Variants in GRID2 observed in about 807,000 individuals in gnomAD.
GRID2 encodes the protein glutamate ionotropic receptor delta type subunit 2, also known as glutamate receptor ionotropic, delta-2.
Under a neutral mutation model 114.8 loss-of-function variants are expected in GRID2, and 33 were observed. That is an observed-to-expected ratio of 0.29 (90% CI 0.22 to 0.38). GRID2 has a LOEUF of 0.38. Among genes scored for constraint, GRID2 ranks in the 10% least tolerant of loss-of-function variants. The probability of loss-of-function intolerance (pLI) is 1.00; values close to 1 mark genes in which losing one functional copy is unlikely to be tolerated. For missense variants in GRID2, 1,184 were observed against 1,257.7 expected, an observed-to-expected ratio of 0.94 and a Z score of 0.89; for synonymous variants, 505 against 449.9, an observed-to-expected ratio of 1.12 and a Z score of -1.55.
chr4:92,561,058 T>C (rs1727083061), intron 1 of GRID2, among the ~76,000 whole-genome samples: 1 of 152,148 alleles, frequency 6.6e-6, no homozygotes, highest in South Asian at 2.1e-4. Flanking sequence ...TCCTTTGATA[T>C]CTTCCTGAAT....
At chr4:93,402,371 A>G (rs1000866510) in intron 9 of GRID2, among the ~76,000 whole-genome samples, 5 of 152,170 alleles carry the variant, frequency 3.3e-5, no homozygotes, top group African/African-American at 4.8e-5. Flanking sequence ...GGTTACTACT[A>G]TATTAACTGG....
intron 2 of GRID2, among the ~76,000 whole-genome samples, chr4:92,614,350 A>T (rs1028337609): frequency 7.3e-5 from 11 of 151,594 alleles, no homozygotes; most frequent in African/African-American, 2.4e-4. Flanking sequence ...CTTTTCCAAT[A>T]AAGTCGTTTA....
At chr4:92,719,215 G>A (rs1245663440) in intron 2 of GRID2, among the ~76,000 whole-genome samples, 1 of 152,054 alleles carries the variant, frequency 6.6e-6, no homozygotes, top group African/African-American at 2.4e-5. Context: ...TCGAACTCCT[G>A]AACTGAGATG....
intron 1 of GRID2, among the ~76,000 whole-genome samples, chr4:92,432,876 A>C (rs1263988684): frequency 1.3e-5 from 2 of 152,100 alleles, no homozygotes; most frequent in African/African-American, 4.8e-5. Context: ...CCAGCAGGGT[A>C]CTAGGTCTCC....
chr4:92,441,909 G>A (rs1389317134), intron 1 of GRID2, among the ~76,000 whole-genome samples: 2 of 151,988 alleles, frequency 1.3e-5, no homozygotes, highest in South Asian at 2.1e-4. Context: ...AGTCAGGGAA[G>A]CAGATAATTT....
chr4:93,068,659 A>ATAAT (rs2149302202), intron 2 of GRID2, among the ~76,000 whole-genome samples: 1 of 151,118 alleles, frequency 6.6e-6, no homozygotes, highest in East Asian at 2.0e-4. Flanking sequence ...CACAAGAAAC[A>ATAAT]TAATTTCCTA....
At position 92,989,625 on chromosome 4, in the gene GRID2, T is replaced by C. The variant is rs570826703; in HGVS notation, c.245-95370T>C. 1.1e-4 allele frequency among the ~76,000 whole-genome samples: 17 copies of C among 152,344 alleles called. No homozygotes were observed. The South Asian group carries it at 2.1e-3, about 19-fold the overall frequency. On this transcript the variant is annotated intron_variant, in intron 2 of 15. Coordinates refer to ENST00000282020, the MANE Select transcript of GRID2 (RefSeq NM_001510.4). ...TCAACACAGCTGCTCTGGTCTGAAA[T>C]TTTTAATGTCATGACAGAGCTAATT...
At chr4:93,185,602 C>T (rs1401059605) in intron 4 of GRID2, among the ~76,000 whole-genome samples, 2 of 152,004 alleles carry the variant, frequency 1.3e-5, no homozygotes, top group Non-Finnish European at 2.9e-5. Flanking sequence ...AAAAAATGGA[C>T]TTTAAAACTG....
intron 14 of GRID2, among the ~76,000 whole-genome samples, chr4:93,682,792 G>C (rs1473549278): frequency 7.3e-6 from 1 of 137,058 alleles, no homozygotes; most frequent in Non-Finnish European, 1.6e-5. Context: ...GGGGTTGGGG[G>C]AGGGGGGAGG....
intron 1 of GRID2, among the ~76,000 whole-genome samples, chr4:92,542,586 A>G (rs937622814): frequency 4.6e-5 from 7 of 151,980 alleles, no homozygotes; most frequent in Non-Finnish European, 1.0e-4. Flanking sequence ...AGCTATGAAG[A>G]TGCAGAGCAT....
chr4:93,267,002 A>G (rs1447999714), intron 8 of GRID2, among the ~76,000 whole-genome samples: 1 of 133,312 alleles, frequency 7.5e-6, no homozygotes, highest in Non-Finnish European at 1.5e-5. Flanking sequence ...CCATGTATAC[A>G]TGTTATTTAG....
intron 8 of GRID2, among the ~76,000 whole-genome samples, chr4:93,278,349 G>A (rs959296959): frequency 2.6e-5 from 4 of 151,962 alleles, no homozygotes; most frequent in East Asian, 1.9e-4. Flanking sequence ...TGAGACTGGC[G>A]CTTGAAGGCA....
chr4:92,470,169 A>T (rs1441928601), intron 1 of GRID2, among the ~76,000 whole-genome samples: 3 of 151,942 alleles, frequency 2.0e-5, no homozygotes, highest in East Asian at 1.9e-4. Flanking sequence ...ATACATTCTC[A>T]TTGGAAATTC....
At chr4:92,530,373 C>T (rs1289480810) in intron 1 of GRID2, among the ~76,000 whole-genome samples, 2 of 151,662 alleles carry the variant, frequency 1.3e-5, no homozygotes, top group African/African-American at 4.8e-5. Flanking sequence ...AGGACAGTGC[C>T]TCATACGAAC....
intron 2 of GRID2, among the ~76,000 whole-genome samples, chr4:92,944,529 G>T (rs998655654): frequency 8.5e-5 from 13 of 152,202 alleles, no homozygotes; most frequent in Non-Finnish European, 1.9e-4. Context: ...TCCCGGTTGA[G>T]GCGATGCCTC....
intron 2 of GRID2, among the ~76,000 whole-genome samples, chr4:92,994,644 A>G (rs1000464575): frequency 1.3e-5 from 2 of 152,024 alleles, no homozygotes; most frequent in South Asian, 4.2e-4. Context: ...CTTAATTCTT[A>G]TATTTTACAA....
chr4:92,843,933 C>T (rs1253981895), intron 2 of GRID2, among the ~76,000 whole-genome samples: 4 of 152,054 alleles, frequency 2.6e-5, no homozygotes, highest in Admixed American at 6.6e-5. Context: ...ACAATGCATT[C>T]GTCATTTGGA....
chr4:93,668,889 C>G (rs1244629935), intron 14 of GRID2, among the ~76,000 whole-genome samples: 1 of 152,030 alleles, frequency 6.6e-6, no homozygotes, highest in African/African-American at 2.4e-5. Context: ...ACAAATTACT[C>G]ACAGTTAGAC....
intron 13 of GRID2, among the ~76,000 whole-genome samples, chr4:93,587,268 A>C (rs1343302077): frequency 2.0e-5 from 3 of 152,172 alleles, no homozygotes; most frequent in Non-Finnish European, 2.9e-5. Context: ...ATTAAAATGC[A>C]GTTATCTAAA....
Sources: gnomAD v4.1 joint callset for allele counts (sites outside exome capture counted in the v4.1 genomes callset) on GRCh38, gnomAD v4.1.1 for gene constraint, MANE v1.5 for transcripts, NCBI Gene and HGNC (gene_info 2026-07-23, HGNC 2026-07-21) for gene names.